The following SNAP29 variants were observed in gnomAD, a reference collection of about 807,000 sequenced individuals.
SNAP29 encodes the protein synaptosomal-associated protein 29.
A neutral mutation model predicts 27.9 loss-of-function variants in SNAP29; 13 were observed. That is an observed-to-expected ratio of 0.47 (90% CI 0.30 to 0.74). The LOEUF (loss-of-function observed/expected upper bound fraction) is 0.74. Ranked by LOEUF, SNAP29 falls within the 30% of genes least tolerant of loss-of-function variation. SNAP29 has a pLI of 0.06. For missense variants in SNAP29, 368 were observed against 336.5 expected, an observed-to-expected ratio of 1.09 and a Z score of -0.73; for synonymous variants, 119 against 127.1, an observed-to-expected ratio of 0.94 and a Z score of 0.43.
chr22:20,870,730 C>T, intron 2 of SNAP29, 197 bp downstream of exon 2: 1 of 649,900 alleles, frequency 1.5e-6, no homozygotes, highest in East Asian at 2.7e-5. Context: ...TGATTGACAT[C>T]TAGTCTGTCA....
intron 3 of SNAP29, among the ~76,000 whole-genome samples, chr22:20,882,550 T>G (rs913696048): frequency 3.3e-5 from 5 of 151,914 alleles, no homozygotes; most frequent in African/African-American, 7.3e-5. Context: ...AGAGCCCAGA[T>G]GGAGGAAGAG....
chr22:20,871,807 G>A (rs1196961063), intron 2 of SNAP29, among the ~76,000 whole-genome samples: 1 of 152,090 alleles, frequency 6.6e-6, no homozygotes, highest in Non-Finnish European at 1.5e-5. Context: ...GTGTGAACCC[G>A]GGAGGTGGAG....
Position 20,859,354 on chromosome 22 carries a change from C to T in SNAP29, c.237+7C>T, listed in dbSNP as rs1928157647. 1 of 1,591,304 alleles carries T rather than the reference C, an allele frequency of 6.3e-7. No homozygotes were observed. Among genetic ancestry groups the T allele is most frequent in the East Asian group, 2.2e-5 (1 of 44,782 alleles). On this transcript the variant is annotated splice_region_variant and intron_variant, in intron 1 of 4. Coordinates refer to ENST00000215730, the MANE Select transcript of SNAP29 (RefSeq NM_004782.4). ...TGGGGTCGCCTCTTCCGAGGTGAGC[C>T]TGGGGCAGGGCTGGTGTGGACTCGC...
Position 20,875,007 on chromosome 22 carries a change from C to G in SNAP29, c.434+4474C>G, listed in dbSNP as rs1257108211. ...ACACCCTTCCACATCCTACATACCT[C>G]TTCACAAAGGCTGCTTCTGGGGCTC... On this transcript the variant is annotated intron_variant, in intron 2 of 4. Coordinates refer to ENST00000215730, the MANE Select transcript of SNAP29 (RefSeq NM_004782.4). 1.4e-4 allele frequency among the ~76,000 whole-genome samples: 21 copies of G among 152,094 alleles called. 1 individual carries two copies. The highest frequency in any genetic ancestry group is 7.4e-5 in the Non-Finnish European group (5 of 68,016).
intron 2 of SNAP29, among the ~76,000 whole-genome samples, chr22:20,876,032 G>C (rs1336115026): frequency 6.6e-6 from 1 of 151,744 alleles, no homozygotes; most frequent in Non-Finnish European, 1.5e-5. Context: ...GTGATGGTGG[G>C]CACCTGTAGT....
intron 2 of SNAP29, among the ~76,000 whole-genome samples, chr22:20,877,917 ATGCACT>A (rs1028131743): frequency 6.6e-6 from 1 of 152,200 alleles, no homozygotes; most frequent in African/African-American, 2.4e-5. Context: ...CAGCATGGCA[ATGCACT>A]GCCCACAGTG....
chr22:20,866,281 G>T (rs1019951159), intron 1 of SNAP29, among the ~76,000 whole-genome samples: 4 of 152,192 alleles, frequency 2.6e-5, no homozygotes, highest in African/African-American at 7.2e-5. Context: ...CCATACTCCA[G>T]CTGCCACAGT....
Position 20,879,851 on chromosome 22 carries a change from TAAAAAAAAAAAA to T in SNAP29, c.435-1185_435-1174del, listed in dbSNP as rs361542. ...GAGCGAGACTCTGTCTGAAAAAATT[TAAAAAAAAAAAA>T]AAAAAAAAAAAAGCCAGGCAGGGTG... On this transcript the variant is annotated intron_variant, in intron 2 of 4. Transcript: ENST00000215730. Among the ~76,000 whole-genome samples the T allele has an allele frequency of 5.1e-5, 5 of 98,036 alleles. No individual in the cohort carries two copies. The South Asian group carries it at 1.3e-3, about 26-fold the overall frequency. 64.3% of individuals were successfully genotyped at this position (98,036 alleles called of 152,430 possible). A position where few individuals can be genotyped will look rare whatever the true frequency, so the allele number is the denominator to read the frequency against.
rs553948258 is a variant in SNAP29 at position 20,874,636 on chromosome 22, C to T, written c.434+4103C>T. 1.1e-4 allele frequency among the ~76,000 whole-genome samples: 16 copies of T among 150,810 alleles called. 1 individual carries two copies. The highest frequency in any genetic ancestry group is 4.0e-4 in the Admixed American group (6 of 15,136). On this transcript the variant is annotated intron_variant, in intron 2 of 4. Coordinates refer to ENST00000215730, the MANE Select transcript of SNAP29 (RefSeq NM_004782.4). ...TGCAGAGTTGGCCCTGGGAACCTGC[C>T]GGCCTCAGTGAGTGCCCTGGGGAGG...
intron 2 of SNAP29, among the ~76,000 whole-genome samples, chr22:20,876,220 A>G (rs941658963): frequency 8.0e-5 from 12 of 150,728 alleles, no homozygotes; most frequent in African/African-American, 2.2e-4. Context: ...CCTTTAATCC[A>G]TAAATGCAGG....
Position 20,859,246 on chromosome 22 carries a change from C to G in SNAP29, c.136C>G (p.Arg46Gly), listed in dbSNP as rs749863810. 5 of 1,604,114 alleles carry G rather than the reference C, an allele frequency of 3.1e-6. No individual in the cohort carries two copies. Among genetic ancestry groups the G allele is most frequent in the African/African-American group, 1.3e-5 (1 of 74,868 alleles). ...DAPADRQQYLRQEVLRRAEAT... is the reference protein window; with the variant it reads ...DAPADRQQYLGQEVLRRAEAT... ...GCCCGCGGACAGGCAGCAGTACTTG[C>G]GGCAGGAGGTCCTCCGCAGGGCTGA... Residue 46 changes from arginine to glycine, a missense_variant, in exon 1 of 5, where the codon CGG becomes GGG. Arg to Gly is a moderately radical substitution (Grantham distance 125). Coordinates refer to ENST00000215730, the MANE Select transcript of SNAP29 (RefSeq NM_004782.4).
Position 20,889,965 on chromosome 22 carries a change from C to A in SNAP29, c.*2129C>A. The A allele has an allele frequency of 3.5e-6, 1 of 282,796 alleles. No individual in the cohort carries two copies. The highest frequency in any genetic ancestry group is 6.5e-6 in the Non-Finnish European group (1 of 153,690). The allele number at this position is 282,796 out of a possible 1,614,324, so 17.5% of individuals were successfully genotyped here. ...TTTTTTGGTTTTTTTTTTCTTAACC[C>A]CAGGTATATGGAAGGGGAGTTGCCT... On this transcript the variant is annotated 3_prime_UTR_variant, in exon 5 of 5. Coordinates refer to ENST00000215730, the MANE Select transcript of SNAP29 (RefSeq NM_004782.4).
chr22:20,885,544 C>T (rs1376660344), intron 4 of SNAP29, among the ~76,000 whole-genome samples: 6 of 152,108 alleles, frequency 3.9e-5, no homozygotes, highest in Non-Finnish European at 7.4e-5. Context: ...TCCTTCACTG[C>T]GAGAAAGGGA....
At position 20,891,016 on chromosome 22, in the gene SNAP29, A is replaced by T. The variant is rs1815616323; in HGVS notation, c.*3180A>T. The stretch of plus-strand genomic sequence containing the variant: ...CGTGAACTCAGGAGGCGGAGCTTGC[A>T]GTGAGCCAAGGCGACAGAGCAAGAC... On this transcript the variant is annotated 3_prime_UTR_variant, in exon 5 of 5. Transcript: ENST00000215730. The T allele has an allele frequency of 6.6e-6, 1 of 152,122 alleles. No individual in the cohort carries two copies. Among genetic ancestry groups the T allele is most frequent in the East Asian group, 1.9e-4 (1 of 5,174 alleles). The allele number at this position is 152,122 out of a possible 1,614,324, so 9.4% of individuals were successfully genotyped here.
chr22:20,875,969 A>G (rs11705255), intron 2 of SNAP29, among the ~76,000 whole-genome samples: 37,161 of 151,574 alleles, frequency 0.25, 5,877 homozygotes, highest in Non-Finnish European at 0.35. Context: ...AGACCATCCT[A>G]GCTAACACGG....
In SNAP29 at chr22:20,859,270, G is replaced by A; in HGVS notation, c.160G>A (p.Glu54Lys). ...YLRQEVLRRA[E>K]ATAASTSRSL... is the part of the protein sequence containing the mutation. Reference sequence around the variant, plus strand: ...GCGGCAGGAGGTCCTCCGCAGGGCTGAGGCCACGGCCGCCAGCACCAGCAG... The same window carrying A: ...GCGGCAGGAGGTCCTCCGCAGGGCTAAGGCCACGGCCGCCAGCACCAGCAG... The change falls in exon 1 of 5, where the codon GAG becomes AAG. Residue 54 changes from glutamate (E) to lysine (K), a missense_variant. Physicochemically the swap from Glu to Lys is moderately conservative, Grantham distance 56 (BLOSUM62 1). Coordinates refer to ENST00000215730, the MANE Select transcript of SNAP29 (RefSeq NM_004782.4). The A allele has an allele frequency of 6.2e-7, 1 of 1,608,832 alleles. No individual in the cohort carries two copies. Among genetic ancestry groups the A allele is most frequent in the Non-Finnish European group, 8.5e-7 (1 of 1,178,728 alleles).
chr22:20,859,413 G>A (rs1425201692), intron 1 of SNAP29, 66 bp downstream of exon 1: 1 of 1,169,538 alleles, frequency 8.6e-7, no homozygotes, highest in East Asian at 2.3e-5. Context: ...GACGAGAAAT[G>A]TTTTGCTCAC....
intron 2 of SNAP29, among the ~76,000 whole-genome samples, chr22:20,873,073 GC>G (rs976208215): frequency 1.3e-5 from 2 of 149,624 alleles, no homozygotes; most frequent in African/African-American, 4.9e-5. Flanking sequence ...CAGATGATCC[GC>G]CCGCCTCAGC....
Position 20,868,128 on chromosome 22 carries a change from C to T in SNAP29, c.238-2209C>T, listed in dbSNP as rs566153455. On this transcript the variant is annotated intron_variant, in intron 1 of 4. Transcript: ENST00000215730. ...AGCTCTGCCTTATTCCAGAGAAGAC[C>T]GCAGTGTGGACATGAAGATGATAAA... Among the ~76,000 whole-genome samples the T allele has an allele frequency of 7.2e-5, 11 of 152,254 alleles. 1 individual carries two copies. Among genetic ancestry groups the T allele is most frequent in the African/African-American group, 1.2e-4 (5 of 41,538 alleles).
Sources: allele counts gnomAD v4.1 joint callset (sites outside exome capture counted in the v4.1 genomes callset), GRCh38; gene constraint gnomAD v4.1.1; transcripts MANE v1.5; gene names NCBI Gene and HGNC (gene_info 2026-07-23, HGNC 2026-07-21).